Variants in TBX18 observed in about 807,000 individuals in gnomAD.
TBX18 encodes T-box transcription factor TBX18.
A neutral mutation model predicts 55.0 loss-of-function variants in TBX18; 21 were observed. That is an observed-to-expected ratio of 0.38 (90% CI 0.27 to 0.55). The LOEUF (loss-of-function observed/expected upper bound fraction) is 0.55, where lower values mean the gene tolerates loss of function less well. Ranked by LOEUF, TBX18 falls within the 20% of genes least tolerant of loss-of-function variation. The pLI is 0.73. For missense variants in TBX18, 840 were observed against 799.6 expected (o/e 1.05, Z -0.61); for synonymous variants, 342 against 326.1 (o/e 1.05, Z -0.53).
Position 84,756,752 on chromosome 6 carries a change from A to T in TBX18, c.717T>A (p.Val239=). The T allele has an allele frequency of 6.2e-7, 1 of 1,614,126 alleles. No homozygotes were observed. The highest frequency in any genetic ancestry group is 8.5e-7 in the Non-Finnish European group (1 of 1,180,036). ...PASGETWMRQ[V]ISFDKLKLTN... ...TGAGCTTCAGCTTGTCGAAGCTGAT[A>T]ACTTGTCTCATCCAAGTCTCCCCCG... Residue 239 remains valine, a synonymous_variant, in exon 4 of 8, where the codon GTT becomes GTA. Coordinates refer to ENST00000369663, the MANE Select transcript of TBX18 (RefSeq NM_001080508.3).
chr6:84,762,445 C>A, intron 2 of TBX18, 99 bp downstream of exon 2: 3 of 1,397,310 alleles, frequency 2.1e-6, no homozygotes, highest in Admixed American at 3.4e-5. Flanking sequence ...CTATCCAGAA[C>A]CCCCACCGAG....
chr6:84,763,594 GGGA>G, intron 1 of TBX18: 4 of 638,170 alleles, frequency 6.3e-6, no homozygotes, highest in Non-Finnish European at 1.1e-5. Context: ...GGAACCCCAA[GGGA>G]GGCAGATGCA....
At chr6:84,749,300 T>C (rs945163507) in intron 4 of TBX18, among the ~76,000 whole-genome samples, 5 of 152,176 alleles carry the variant, frequency 3.3e-5, no homozygotes, top group African/African-American at 1.2e-4. Flanking sequence ...AACAAATGTT[T>C]ACAGAAAAGT....
At position 84,756,822 on chromosome 6, in the gene TBX18, G is replaced by A. The variant is rs762981355; in HGVS notation, c.647C>T (p.Ser216Leu). Residue 216 changes from serine (S) to leucine (L), a missense_variant, in exon 4 of 8, where the codon TCG becomes TTG. Physicochemically the swap from Ser to Leu is moderately radical, Grantham distance 145. Transcript: ENST00000369663. The part of the protein sequence containing the change: ...SKWMVAGNAD[S>L]PVPPRVYIHP... Reference sequence around the variant, plus strand: ...AATGTACACACGGGGTGGCACAGGCGAGTCAGCATTACCTGCCACCATCCA... The same window carrying A: ...AATGTACACACGGGGTGGCACAGGCAAGTCAGCATTACCTGCCACCATCCA... 9 of 1,613,970 alleles carry A rather than the reference G, an allele frequency of 5.6e-6. No homozygotes were observed. Among genetic ancestry groups the A allele is most frequent in the Admixed American group, 3.3e-5 (2 of 59,984 alleles).
Position 84,748,077 on chromosome 6 carries a change from T to C in TBX18, c.782A>G (p.His261Arg). The C allele has an allele frequency of 6.2e-7, 1 of 1,608,170 alleles. No individual in the cohort carries two copies. The highest frequency in any genetic ancestry group is 8.5e-7 in the Non-Finnish European group (1 of 1,176,142). Residue 261 changes from histidine (H) to arginine (R), a missense_variant, in exon 5 of 8, where the codon CAT becomes CGT. Transcript: ENST00000369663. Reference sequence around the variant, plus strand: ...TCGCGGTTGGTATTTGTGCATAGAATGAAGAATAATCTATATCAAAGAAGG... The same window carrying C: ...TCGCGGTTGGTATTTGTGCATAGAACGAAGAATAATCTATATCAAAGAAGG... ...ELDDQGHIILHSMHKYQPRVH... is the reference protein window; with the variant it reads ...ELDDQGHIILRSMHKYQPRVH...
intron 5 of TBX18, 92 bp from the exon 6 acceptor site, chr6:84,744,417 T>A (rs1767128166): frequency 9.6e-7 from 1 of 1,037,192 alleles, no homozygotes; most frequent in South Asian, 1.4e-5. Context: ...AAAAGTTAAC[T>A]GTTAGAGGAC....
chr6:84,764,089 C>G lies in TBX18; in HGVS notation c.93G>C (p.Gln31His). The G allele has an allele frequency of 1.3e-6, 2 of 1,585,938 alleles. No homozygotes were observed. The highest frequency in any genetic ancestry group is 1.7e-6 in the Non-Finnish European group (2 of 1,171,292). Reference protein sequence around the residue: ...SVEALIGAEKQQQLQKKRRKL... With the variant: ...SVEALIGAEKHQQLQKKRRKL... ...TTCGCCGCTTCTTCTGAAGCTGTTGCTGCTTCTCGGCGCCGATCAGCGCCT... is the reference window on the plus strand; with the variant it reads ...TTCGCCGCTTCTTCTGAAGCTGTTGGTGCTTCTCGGCGCCGATCAGCGCCT... The change falls in exon 1 of 8, where the codon CAG (glutamine) becomes CAC (histidine). Residue 31 changes from glutamine (Q) to histidine (H), a missense_variant. Transcript: ENST00000369663.
chr6:84,746,569 A>C (rs1479880592), intron 5 of TBX18, among the ~76,000 whole-genome samples: 2 of 146,766 alleles, frequency 1.4e-5, no homozygotes, highest in Admixed American at 6.9e-5. Flanking sequence ...AATTATATAC[A>C]TTATAAATAT....
intron 3 of TBX18, 31 bp downstream of exon 3, chr6:84,760,224 T>C: frequency 7.2e-7 from 1 of 1,381,994 alleles, no homozygotes; most frequent in Non-Finnish European, 9.7e-7. Flanking sequence ...AGTGTTTTTT[T>C]TTTTAATTGT....
intron 7 of TBX18, among the ~76,000 whole-genome samples, chr6:84,738,147 A>C (rs1280518709): frequency 6.6e-6 from 1 of 152,166 alleles, no homozygotes; most frequent in Non-Finnish European, 1.5e-5. Context: ...TGCTGAAGAA[A>C]GAAAACAAAC....
chr6:84,746,259 A>G (rs559195148), intron 5 of TBX18, among the ~76,000 whole-genome samples: 1 of 152,068 alleles, frequency 6.6e-6, no homozygotes, highest in Non-Finnish European at 1.5e-5. Context: ...AGAGAGACAG[A>G]AAGAGGTGAC....
At chr6:84,739,995 G>T (rs1374596056) in intron 6 of TBX18, among the ~76,000 whole-genome samples, 1 of 152,140 alleles carries the variant, frequency 6.6e-6, no homozygotes, top group Non-Finnish European at 1.5e-5. Context: ...TGGAGGGGTG[G>T]TGTGTATACA....
intron 4 of TBX18, among the ~76,000 whole-genome samples, chr6:84,756,098 A>G (rs899319773): frequency 1.3e-5 from 2 of 152,252 alleles, no homozygotes; most frequent in African/African-American, 4.8e-5. Context: ...GCCTGGGAAC[A>G]ATACTGCATA....
chr6:84,762,487 G>A (rs1284157185), intron 2 of TBX18, 57 bp downstream of exon 2: 15 of 1,589,200 alleles, frequency 9.4e-6, no homozygotes, highest in Non-Finnish European at 1.3e-5. Context: ...TGAGCTAGAG[G>A]TGAGTGAAGA....
Position 84,748,092 on chromosome 6 carries a change from A to T in TBX18, c.772-5T>A. 6.3e-7 allele frequency: 1 copy of T among 1,590,700 alleles called. No individual in the cohort carries two copies. The highest frequency in any genetic ancestry group is 1.1e-5 in the South Asian group (1 of 87,892). ...GTGCATAGAATGAAGAATAATCTAT[A>T]TCAAAGAAGGAAAAGCTGAATTTAT... On this transcript the variant is annotated splice_polypyrimidine_tract_variant and splice_region_variant and intron_variant, in intron 4 of 7. Transcript: ENST00000369663.
At position 84,763,285 on chromosome 6, in the gene TBX18, C is replaced by G. The variant is rs919885063; in HGVS notation, c.293-537G>C. The G allele has an allele frequency of 1.4e-5, 6 of 432,042 alleles. No individual in the cohort carries two copies. The Admixed American group carries it at 1.5e-4, about 11-fold the overall frequency. The allele number at this position is 432,042 out of a possible 1,614,324, so 26.8% of individuals were successfully genotyped here. A position where few individuals can be genotyped will look rare whatever the true frequency, so the allele number is the denominator to read the frequency against. On this transcript the variant is annotated intron_variant, in intron 1 of 7. Transcript: ENST00000369663. Reference sequence around the variant, plus strand: ...GGCCGGAGGCATCTTCTAGAAGGCTCTTCAGACCCCGCTTTCGCCAAACTC... The same window carrying G: ...GGCCGGAGGCATCTTCTAGAAGGCTGTTCAGACCCCGCTTTCGCCAAACTC...
Position 84,737,132 on chromosome 6 carries a change from G to T in TBX18, c.1377C>A (p.Gly459=). ...FAPPRTPSYV[G]VSSSTSVNMS... ...TGTTCACGGAGGTGCTGCTGCTCAC[G>T]CCCACATAGGAGGGAGTCCTGGGCG... The change falls in exon 8 of 8, where the codon GGC becomes GGA. Residue 459 remains glycine (G), a synonymous_variant. Transcript: ENST00000369663. The T allele has an allele frequency of 1.2e-6, 2 of 1,614,152 alleles. No individual in the cohort carries two copies. Among genetic ancestry groups the T allele is most frequent in the Non-Finnish European group, 1.7e-6 (2 of 1,180,014 alleles).
intron 5 of TBX18, among the ~76,000 whole-genome samples, chr6:84,745,339 A>G (rs1024205026): frequency 1.3e-5 from 2 of 152,054 alleles, no homozygotes; most frequent in African/African-American, 4.8e-5. Context: ...TTTACAGCCT[A>G]TTTTCTAAGA....
rs551527219 is a variant in TBX18, at chr6:84,735,686, C to T, written c.*999G>A. ...TGCATTTTTTTTACTTATATACTAT[C>T]GGTCAGGAAGCTCAGAGCAAGATGG... On this transcript the variant is annotated 3_prime_UTR_variant, in exon 8 of 8. Transcript: ENST00000369663. 1.2e-4 allele frequency: 19 copies of T among 152,200 alleles called. No individual in the cohort carries two copies. In the East Asian group the frequency reaches 1.9e-3, roughly 15 times the overall value. The allele number at this position is 152,200 out of a possible 1,614,324, so 9.4% of individuals were successfully genotyped here. A position where few individuals can be genotyped will look rare whatever the true frequency, so the allele number is the denominator to read the frequency against.
Sources: gnomAD v4.1 joint callset for allele counts (sites outside exome capture counted in the v4.1 genomes callset) on GRCh38, gnomAD v4.1.1 for gene constraint, MANE v1.5 for transcripts, NCBI Gene and HGNC (gene_info 2026-07-23, HGNC 2026-07-21) for gene names.